Variants in MMP26 observed in about 807,000 individuals in gnomAD.
The protein encoded by MMP26 is matrix metalloproteinase-26.
A neutral mutation model predicts 31.0 loss-of-function variants in MMP26; 33 were observed. The observed-to-expected ratio is 1.06, with a 90% CI of 0.81 to 1.42. The LOEUF is 1.42. Ranked by LOEUF, MMP26 falls within the 40% of genes most tolerant of loss-of-function variation. The pLI, the probability that MMP26 is intolerant of heterozygous loss-of-function variation, is 0.00. For synonymous variants in MMP26, 122 were observed against 114.9 expected, an observed-to-expected ratio of 1.06 and a Z score of -0.40; for missense variants, 347 against 316.1, an observed-to-expected ratio of 1.10 and a Z score of -0.74.
intron 2 of MMP26, among the ~76,000 whole-genome samples, chr11:4,977,205 C>CTAAA (rs1239480904): frequency 2.4e-4 from 36 of 152,000 alleles, no homozygotes; most frequent in African/African-American, 8.2e-4. Context: ...AAACATTGAG[C>CTAAA]TAAACATTTG....
intron 1 of MMP26, among the ~76,000 whole-genome samples, chr11:4,730,462 T>A (rs948908830): frequency 6.8e-6 from 1 of 147,174 alleles, no homozygotes; most frequent in Non-Finnish European, 1.5e-5. Flanking sequence ...AGGTGACTAC[T>A]GCATACTCAA....
At position 4,923,547 on chromosome 11, in the gene MMP26, G is replaced by A. The variant is rs775482982; in HGVS notation, c.-144-64521G>A. On this transcript the variant is annotated intron_variant, in intron 2 of 7. Coordinates refer to ENST00000380390, the MANE Select transcript of MMP26 (RefSeq NM_021801.5). ...ACGCGGGGCAGATGTTCACCAAAGC[G>A]ATGCACAAGAGACAAGCCAATCATG... 3.6e-5 allele frequency: 58 copies of A among 1,614,006 alleles called. 1 individual carries two copies. The Middle Eastern group carries it at 2.5e-3, about 69-fold the overall frequency.
intron 2 of MMP26, among the ~76,000 whole-genome samples, chr11:4,844,317 C>T (rs1188976895): frequency 6.6e-6 from 1 of 152,102 alleles, no homozygotes; most frequent in East Asian, 1.9e-4. Context: ...ACGATGGATT[C>T]ACTGCTGAAT....
At chr11:4,911,733 AC>A (rs1376870746) in intron 2 of MMP26, among the ~76,000 whole-genome samples, 1 of 152,078 alleles carries the variant, frequency 6.6e-6, no homozygotes, top group African/African-American at 2.4e-5. Context: ...TTCCCTGCTC[AC>A]CCATTCAATC....
intron 2 of MMP26, among the ~76,000 whole-genome samples, chr11:4,922,227 T>C (rs144380778): frequency 1.3e-5 from 2 of 152,338 alleles, no homozygotes; most frequent in South Asian, 2.1e-4. Flanking sequence ...ATTTACTTCT[T>C]CTTCATGGTG....
rs554109361 is a variant in MMP26, at chr11:4,723,062, T to C, written c.-217+18017T>C. ...GGCCAGTTTGACTTTCATCAGCTCC[T>C]GGTACCCATGCAGCTGTCACGGCAT... On this transcript the variant is annotated intron_variant, in intron 1 of 7. Coordinates refer to ENST00000380390, the MANE Select transcript of MMP26 (RefSeq NM_021801.5). 749 of 1,200,334 alleles carry C rather than the reference T, an allele frequency of 6.2e-4. 2 individuals carry two copies. The highest frequency in any genetic ancestry group is 1.2e-3 in the Admixed American group (72 of 59,434). The allele number at this position is 1,200,334 out of a possible 1,614,324, so 74.4% of individuals were successfully genotyped here.
intron 1 of MMP26, among the ~76,000 whole-genome samples, chr11:4,758,195 G>T (rs1298426717): frequency 2.0e-5 from 3 of 152,206 alleles, no homozygotes; most frequent in Admixed American, 1.3e-4. Flanking sequence ...GCTAATAAGT[G>T]CTACAATATG....
At chr11:4,811,652 C>T (rs937290251) in intron 2 of MMP26, among the ~76,000 whole-genome samples, 3 of 152,006 alleles carry the variant, frequency 2.0e-5, no homozygotes, top group East Asian at 1.9e-4. Flanking sequence ...GTCCCTCTGC[C>T]TTCTTTTTCT....
chr11:4,986,956 T>TCTCTCTCTCTCTCTCTCTCTCTTTCC (rs1846908234), intron 2 of MMP26, among the ~76,000 whole-genome samples: 1 of 140,258 alleles, frequency 7.1e-6, no homozygotes, highest in African/African-American at 2.8e-5. Context: ...TCTCTCTCTC[T>TCTCTCTCTCTCTCTCTCTCTCTTTCC]CTCCCTCTCT....
At chr11:4,958,288 T>C (rs1356570683) in intron 2 of MMP26, among the ~76,000 whole-genome samples, 1 of 152,258 alleles carries the variant, frequency 6.6e-6, no homozygotes, top group Non-Finnish European at 1.5e-5. Flanking sequence ...CTGCCGTTTT[T>C]ACCTCTTGCT....
chr11:4,986,172 T>C (rs748793996), intron 2 of MMP26, among the ~76,000 whole-genome samples: 1 of 152,184 alleles, frequency 6.6e-6, no homozygotes, highest in African/African-American at 2.4e-5. Flanking sequence ...AGTGTGACTT[T>C]GGCATGTTCT....
At position 4,831,384 on chromosome 11, in the gene MMP26, G is replaced by A. The variant is rs142746628; in HGVS notation, c.-145+64043G>A. On this transcript the variant is annotated intron_variant, in intron 2 of 7. Coordinates refer to ENST00000380390, the MANE Select transcript of MMP26 (RefSeq NM_021801.5). ...TGTCAAGATCTGGCAAATGGTGTTTGCTACCAGACTTGAAGATCTCTCTGA... is the reference window on the plus strand; with the variant it reads ...TGTCAAGATCTGGCAAATGGTGTTTACTACCAGACTTGAAGATCTCTCTGA... 4.6e-3 allele frequency among the ~76,000 whole-genome samples: 699 copies of A among 152,270 alleles called. 7 individuals carry two copies. The highest frequency in any genetic ancestry group is 0.015 in the African/African-American group (626 of 41,556).
rs537197486 is a variant in MMP26, at chr11:4,838,958, G to T, written c.-145+71617G>T. On this transcript the variant is annotated intron_variant, in intron 2 of 7. Coordinates refer to ENST00000380390, the MANE Select transcript of MMP26 (RefSeq NM_021801.5). ...CCCCTGTCATCAGGCAATGGCAATGGCAGTGTGGTGCAGAGAATGTCTCTG... is the reference window on the plus strand; with the variant it reads ...CCCCTGTCATCAGGCAATGGCAATGTCAGTGTGGTGCAGAGAATGTCTCTG... Among the ~76,000 whole-genome samples, 10 of 152,298 alleles carry T rather than the reference G, an allele frequency of 6.6e-5. No homozygotes were observed. The South Asian group carries it at 2.1e-3, about 32-fold the overall frequency.
At chr11:4,844,273 A>G (rs916364441) in intron 2 of MMP26, among the ~76,000 whole-genome samples, 1 of 152,184 alleles carries the variant, frequency 6.6e-6, no homozygotes. Flanking sequence ...CAAAGCCACA[A>G]TGAAAAGCCT....
At chr11:4,888,936 C>T (rs918197636) in intron 2 of MMP26, among the ~76,000 whole-genome samples, 1 of 152,196 alleles carries the variant, frequency 6.6e-6, no homozygotes, top group South Asian at 2.1e-4. Flanking sequence ...CTTTAATCTT[C>T]AGCTCCTTGG....
intron 2 of MMP26, among the ~76,000 whole-genome samples, chr11:4,940,752 G>A (rs1181538507): frequency 6.6e-6 from 1 of 152,140 alleles, no homozygotes; most frequent in Non-Finnish European, 1.5e-5. Context: ...AACTGCATGT[G>A]ATCAGAAGTT....
At chr11:4,770,711 C>T (rs573418787) in intron 2 of MMP26, among the ~76,000 whole-genome samples, 110 of 152,102 alleles carry the variant, frequency 7.2e-4, no homozygotes, top group African/African-American at 2.3e-3. Flanking sequence ...GGCATGGTGG[C>T]GTGTATCTGT....
rs539264312 is a variant in MMP26 at position 4,732,746 on chromosome 11, T to C, written c.-217+27701T>C. 3.3e-5 allele frequency among the ~76,000 whole-genome samples: 5 copies of C among 152,314 alleles called. No individual in the cohort carries two copies. In the East Asian group the frequency reaches 7.7e-4, roughly 23 times the overall value. On this transcript the variant is annotated intron_variant, in intron 1 of 7. Coordinates refer to ENST00000380390, the MANE Select transcript of MMP26 (RefSeq NM_021801.5). ...GGCATTTGTGACTGGCTTTTTTCAT[T>C]TGGTGCACTGTTTTCAAGGTTTATA... is the stretch of plus-strand genomic sequence containing the variant.
At chr11:4,926,186 A>AATAAAACC (rs1256045008) in intron 2 of MMP26, among the ~76,000 whole-genome samples, 9 of 152,104 alleles carry the variant, frequency 5.9e-5, no homozygotes, top group African/African-American at 2.2e-4. Context: ...TTAATATAAG[A>AATAAAACC]ATAAAACCAT....
Sources: gnomAD v4.1 joint callset for allele counts (sites outside exome capture counted in the v4.1 genomes callset) on GRCh38, gnomAD v4.1.1 for gene constraint, MANE v1.5 for transcripts, NCBI Gene and HGNC (gene_info 2026-07-23, HGNC 2026-07-21) for gene names.